KLHDC10: variants seen among roughly 807,000 people sequenced by gnomAD.
KLHDC10 encodes the protein kelch domain-containing protein 10.
A neutral mutation model predicts 56.1 loss-of-function variants in KLHDC10; 24 were observed. The ratio of observed to expected loss-of-function variants is 0.43; its 90% CI spans 0.31 to 0.60. The LOEUF is 0.60. Among genes scored for constraint, KLHDC10 ranks in the 20% least tolerant of loss-of-function variants. KLHDC10 has a pLI of 0.11. For missense variants in KLHDC10, 349 were observed against 567.0 expected (o/e 0.62, Z 3.91); for synonymous variants, 188 against 207.1 (o/e 0.91, Z 0.79).
chr7:130,070,660 G>A lies in KLHDC10; in HGVS notation c.17G>A (p.Gly6Asp). The A allele has an allele frequency of 1.5e-6, 2 of 1,314,512 alleles. No individual in the cohort carries two copies. The highest frequency in any genetic ancestry group is 1.5e-5 in the African/African-American group (1 of 66,404). The allele number at this position is 1,314,512 out of a possible 1,614,324, so 81.4% of individuals were successfully genotyped here. Residue 6 changes from glycine (G) to aspartate (D), a missense_variant, in exon 1 of 10, where the codon GGC becomes GAC. Coordinates refer to ENST00000335420, the MANE Select transcript of KLHDC10 (RefSeq NM_014997.4). ...TAGCGGGTCATGTCGGCCGCCCAGG[G>A]CTGGGACAGGAACCGCCGGAGGGGA... is the stretch of plus-strand genomic sequence containing the variant. MSAAQGWDRNRRRGGG... is the reference protein window; with the variant it reads MSAAQDWDRNRRRGGG...
chr7:130,128,901 T>A (rs867853357), intron 8 of KLHDC10, among the ~76,000 whole-genome samples: 1,971 of 108,956 alleles, frequency 0.018, 128 homozygotes, highest in Middle Eastern at 0.044. Context: ...TATATATATA[T>A]ATATATATAT....
intron 8 of KLHDC10, among the ~76,000 whole-genome samples, chr7:130,128,873 C>CT (rs1796348442): frequency 3.8e-5 from 1 of 26,406 alleles, no homozygotes; most frequent in South Asian, 1.6e-3. Flanking sequence ...GACCTTGTCT[C>CT]TTAAAAAAAA....
intron 1 of KLHDC10, among the ~76,000 whole-genome samples, chr7:130,094,065 AG>A (rs1222689802): frequency 6.6e-6 from 1 of 152,044 alleles, no homozygotes; most frequent in East Asian, 1.9e-4. Flanking sequence ...CTGGGTTTAC[AG>A]GCACCTGCCA....
Position 130,116,469 on chromosome 7 carries a change from G to A in KLHDC10, c.278G>A (p.Ser93Asn). Residue 93 changes from serine (S) to asparagine (N), a missense_variant, in exon 3 of 10, where the codon AGT becomes AAT. This residue lies in a region of KLHDC10 where 245 missense variants were observed against 470.1 expected (regional missense o/e 0.52). Coordinates refer to ENST00000335420, the MANE Select transcript of KLHDC10 (RefSeq NM_014997.4). This position sits in a 1 kb window ranked among gnomAD's most constrained non-coding sequence, Gnocchi z 4.8. ...LRGHRPPPARSGHRCVADNTN... is the reference protein window; with the variant it reads ...LRGHRPPPARNGHRCVADNTN... Reference sequence around the variant, plus strand: ...GGCCACAGACCTCCACCAGCACGAAGTGGACATCGTTGTGTGGCAGATAAT... The same window carrying A: ...GGCCACAGACCTCCACCAGCACGAAATGGACATCGTTGTGTGGCAGATAAT... 1 of 1,614,026 alleles carries A rather than the reference G, an allele frequency of 6.2e-7. No homozygotes were observed. The highest frequency in any genetic ancestry group is 8.5e-7 in the Non-Finnish European group (1 of 1,179,942).
At chr7:130,079,309 C>T (rs763097958) in intron 1 of KLHDC10, among the ~76,000 whole-genome samples, 16 of 152,060 alleles carry the variant, frequency 1.1e-4, no homozygotes, top group Non-Finnish European at 2.2e-4. Context: ...TCGCCCACCT[C>T]GGCCTCCCAA....
rs192164586 is a variant in KLHDC10 at position 130,074,510 on chromosome 7, C to T, written c.166+3701C>T. ...ATATATTTTTAAAATTCTAAATTAACGCATTGGCATTATATATAACACGTT... is the reference window on the plus strand; with the variant it reads ...ATATATTTTTAAAATTCTAAATTAATGCATTGGCATTATATATAACACGTT... On this transcript the variant is annotated intron_variant, in intron 1 of 9. Coordinates refer to ENST00000335420, the MANE Select transcript of KLHDC10 (RefSeq NM_014997.4). Among the ~76,000 whole-genome samples the T allele has an allele frequency of 1.6e-3, 248 of 152,092 alleles. 1 individual carries two copies. The highest frequency in any genetic ancestry group is 6.2e-3 in the South Asian group (30 of 4,820).
chr7:130,101,010 AC>A (rs66827334), intron 2 of KLHDC10, among the ~76,000 whole-genome samples: 26,367 of 146,106 alleles, frequency 0.18, 2,887 homozygotes, highest in Non-Finnish European at 0.25. Flanking sequence ...AAAAAAAAAA[AC>A]AAAAAAAACA....
chr7:130,118,129 G>A (rs1165718578), intron 3 of KLHDC10, among the ~76,000 whole-genome samples: 3 of 151,518 alleles, frequency 2.0e-5, no homozygotes, highest in Non-Finnish European at 4.4e-5. Context: ...AGCCAAGATC[G>A]CCCCACTGCA....
At chr7:130,094,556 A>G (rs1795823901) in intron 1 of KLHDC10, among the ~76,000 whole-genome samples, 1 of 152,200 alleles carries the variant, frequency 6.6e-6, no homozygotes, top group Non-Finnish European at 1.5e-5. Flanking sequence ...ACTACAGTCA[A>G]ATACATTAAT....
rs746708270 is a variant in KLHDC10 at position 130,122,048 on chromosome 7, A to T, written c.631-6A>T. The T allele has an allele frequency of 6.8e-6, 11 of 1,609,794 alleles. No homozygotes were observed. The highest frequency in any genetic ancestry group is 9.3e-6 in the Non-Finnish European group (11 of 1,178,652). On this transcript the variant is annotated splice_polypyrimidine_tract_variant and splice_region_variant and intron_variant, in intron 4 of 9. Transcript: ENST00000335420. ...TCGGTCTTATTCACCTTTCCTTGTT[A>T]TCCAGGCTATGGCCATCATCAATGG...
At chr7:130,101,991 A>AAAAG (rs1292912827) in intron 2 of KLHDC10, among the ~76,000 whole-genome samples, 6 of 150,910 alleles carry the variant, frequency 4.0e-5, no homozygotes, top group Non-Finnish European at 8.9e-5. Flanking sequence ...AAAAAAAAAA[A>AAAAG]AAAGACTGGA....
intron 3 of KLHDC10, among the ~76,000 whole-genome samples, chr7:130,118,384 C>T (rs997592232): frequency 2.0e-5 from 3 of 152,136 alleles, no homozygotes; most frequent in African/African-American, 7.2e-5. Flanking sequence ...TACCTCTCCC[C>T]ACCTTTATAG....
At chr7:130,090,767 CGTGTGTGTGTGTGTGTGT>C (rs57061414) in intron 1 of KLHDC10, among the ~76,000 whole-genome samples, 1 of 148,142 alleles carries the variant, frequency 6.8e-6, no homozygotes, top group Non-Finnish European at 1.5e-5. Flanking sequence ...TACACATACT[CGTGTGTGTGTGTGTGTGT>C]GTGTGTGTGT....
chr7:130,121,153 GT>G (rs1355444363), intron 4 of KLHDC10, among the ~76,000 whole-genome samples: 1 of 151,238 alleles, frequency 6.6e-6, no homozygotes, highest in Admixed American at 6.6e-5. Flanking sequence ...AGGTCAGGAT[GT>G]AGACCTGTAT....
intron 5 of KLHDC10, among the ~76,000 whole-genome samples, chr7:130,123,280 A>G (rs1381504691): frequency 6.6e-6 from 1 of 152,116 alleles, no homozygotes; most frequent in African/African-American, 2.4e-5. Flanking sequence ...CAGCCTGGCC[A>G]ACATGGTGAA....
At chr7:130,098,716 T>C (rs1280450434) in intron 2 of KLHDC10, among the ~76,000 whole-genome samples, 2 of 152,048 alleles carry the variant, frequency 1.3e-5, no homozygotes, top group Non-Finnish European at 2.9e-5. Flanking sequence ...AATATAAGCA[T>C]AATTAAGGAA....
chr7:130,113,582 C>A (rs1796129856), intron 2 of KLHDC10, among the ~76,000 whole-genome samples: 1 of 152,180 alleles, frequency 6.6e-6, no homozygotes, highest in Admixed American at 6.5e-5. Flanking sequence ...ATCCACCCGC[C>A]TTGGCTTCCC....
chr7:130,133,050 G>T lies in KLHDC10; in HGVS notation c.*2304G>T, dbSNP rs1285359234. The T allele has an allele frequency of 6.6e-6, 1 of 152,208 alleles. No homozygotes were observed. The highest frequency in any genetic ancestry group is 1.5e-5 in the Non-Finnish European group (1 of 68,046). 9.4% of individuals were successfully genotyped at this position (152,208 alleles called of 1,614,324 possible). A position where few individuals can be genotyped will look rare whatever the true frequency, so the allele number is the denominator to read the frequency against. On this transcript the variant is annotated 3_prime_UTR_variant, in exon 10 of 10. Transcript: ENST00000335420. The stretch of plus-strand genomic sequence containing the variant: ...CTTGGAGGCCTGACATCGAAGACCT[G>T]TGTGTTTTATTTTCATAAAAGTATA...
intron 1 of KLHDC10, among the ~76,000 whole-genome samples, chr7:130,071,506 A>G (rs1469612767): frequency 6.6e-6 from 1 of 152,234 alleles, no homozygotes; most frequent in Non-Finnish European, 1.5e-5. Context: ...CAATACAATT[A>G]TTTGACATTT....
Sources: allele counts gnomAD v4.1 joint callset (sites outside exome capture counted in the v4.1 genomes callset), GRCh38; gene constraint gnomAD v4.1.1; regional missense constraint gnomAD v4.1.1; non-coding constraint Gnocchi (gnomAD v3.1); transcripts MANE v1.5; gene names NCBI Gene and HGNC (gene_info 2026-07-23, HGNC 2026-07-21).